AADACL4: variants seen among roughly 807,000 people sequenced by gnomAD.
AADACL4 encodes arylacetamide deacetylase-like 4.
A neutral mutation model predicts 14.1 loss-of-function variants in AADACL4; 9 were observed. That is an observed-to-expected ratio of 0.64 (90% CI 0.39 to 1.12). The LOEUF (loss-of-function observed/expected upper bound fraction) is 1.12, where lower values mean the gene tolerates loss of function less well. Among genes scored for constraint, AADACL4 ranks in the 50% most tolerant of loss-of-function variants. The pLI, the probability that AADACL4 is intolerant of heterozygous loss-of-function variation, is 0.01. For synonymous variants in AADACL4, 188 were observed against 201.6 expected, an observed-to-expected ratio of 0.93 and a Z score of 0.57; for missense variants, 531 against 516.1, an observed-to-expected ratio of 1.03 and a Z score of -0.28.
At chr1:12,656,824 G>T (rs1257391220) in intron 2 of AADACL4, among the ~76,000 whole-genome samples, 1 of 152,072 alleles carries the variant, frequency 6.6e-6, no homozygotes, top group African/African-American at 2.4e-5. Flanking sequence ...CTCGTGTCAG[G>T]GAGGACCATG....
rs34475360 is a variant in AADACL4 at position 12,648,346 on chromosome 1, A to ATCCTTCCTTCCTTCCTTCCT, written c.169-2751_169-2732dup. On this transcript the variant is annotated intron_variant, in intron 1 of 3. Transcript: ENST00000376221. ...AGCTATTTAAAATTCTGGACCTCAG[A>ATCCTTCCTTCCTTCCTTCCT]TCCTTCCTTCCTTCCTTCCTTCCTT... is the stretch of plus-strand genomic sequence containing the variant. Among the ~76,000 whole-genome samples the ATCCTTCCTTCCTTCCTTCCT allele has an allele frequency of 4.1e-4, 58 of 140,606 alleles. 2 individuals are homozygous for ATCCTTCCTTCCTTCCTTCCT. Among genetic ancestry groups the ATCCTTCCTTCCTTCCTTCCT allele is most frequent in the African/African-American group, 1.2e-3 (41 of 35,480 alleles). 92.2% of individuals were successfully genotyped at this position (140,606 alleles called of 152,430 possible).
chr1:12,663,545 A>G (rs1212363296), intron 3 of AADACL4, among the ~76,000 whole-genome samples: 5 of 152,146 alleles, frequency 3.3e-5, no homozygotes, highest in Non-Finnish European at 7.4e-5. Flanking sequence ...ATTGCAGTGT[A>G]GGATTTCAAC....
At chr1:12,648,388 C>CTTT (rs1647125165) in intron 1 of AADACL4, among the ~76,000 whole-genome samples, 18 of 146,862 alleles carry the variant, frequency 1.2e-4, no homozygotes, top group African/African-American at 3.1e-4. Flanking sequence ...TTCCTTCCTT[C>CTTT]CTTTCTTTCC....
intron 3 of AADACL4, among the ~76,000 whole-genome samples, chr1:12,665,283 C>A (rs1270302267): frequency 1.3e-5 from 2 of 152,116 alleles, no homozygotes; most frequent in Non-Finnish European, 2.9e-5. Context: ...AGTGCAGTGG[C>A]TCGATCTAGG....
chr1:12,647,394 C>T (rs75370692), intron 1 of AADACL4, among the ~76,000 whole-genome samples: 37 of 152,130 alleles, frequency 2.4e-4, no homozygotes, highest in Admixed American at 1.0e-3. Flanking sequence ...CCACTGTGCA[C>T]GGCCCTGGGG....
At chr1:12,647,373 A>C (rs1647118228) in intron 1 of AADACL4, among the ~76,000 whole-genome samples, 1 of 152,136 alleles carries the variant, frequency 6.6e-6, no homozygotes, top group Non-Finnish European at 1.5e-5. Context: ...TGCTAGGATT[A>C]CAGGCATGAA....
In AADACL4 at chr1:12,666,301, C is replaced by T. The variant is rs560787141; in HGVS notation, c.790C>T (p.Arg264Cys). The T allele has an allele frequency of 2.0e-5, 33 of 1,614,208 alleles. No individual in the cohort carries two copies. The highest frequency in any genetic ancestry group is 1.6e-4 in the East Asian group (7 of 44,888). Residue 264 changes from arginine to cysteine, a missense_variant, in exon 4 of 4, where the codon CGT becomes TGT. By Grantham distance (180) the Arg-to-Cys change is radical (BLOSUM62 -3). Coordinates refer to ENST00000376221, the MANE Select transcript of AADACL4 (RefSeq NM_001013630.2). Reference sequence around the variant, plus strand: ...CTATCTGGCCATTGACCTCTCCTGGCGTGACGCCATCTTGAACGGCACTTG... The same window carrying T: ...CTATCTGGCCATTGACCTCTCCTGGTGTGACGCCATCTTGAACGGCACTTG... ...CNYLAIDLSW[R>C]DAILNGTCVP...
chr1:12,649,740 C>T (rs1647134221), intron 1 of AADACL4, among the ~76,000 whole-genome samples: 1 of 152,166 alleles, frequency 6.6e-6, no homozygotes, highest in Admixed American at 6.5e-5. Context: ...ATCCTCACAC[C>T]TCATCCTTGG....
In AADACL4 at chr1:12,666,806, T is replaced by G; in HGVS notation, c.*71T>G. ...ACCAGAAACCGGGTGCTTTAGTGAG[T>G]TCTATTTTATTGACTAAAGAGGTGC... On this transcript the variant is annotated 3_prime_UTR_variant, in exon 4 of 4. Transcript: ENST00000376221. The G allele has an allele frequency of 7.0e-7, 1 of 1,431,594 alleles. No individual in the cohort carries two copies. Among genetic ancestry groups the G allele is most frequent in the Non-Finnish European group, 9.4e-7 (1 of 1,067,788 alleles). 88.7% of individuals were successfully genotyped at this position (1,431,594 alleles called of 1,614,324 possible).
At chr1:12,663,693 C>A (rs910753893) in intron 3 of AADACL4, among the ~76,000 whole-genome samples, 24 of 152,120 alleles carry the variant, frequency 1.6e-4, no homozygotes, top group Admixed American at 1.6e-3. Flanking sequence ...TATTTGTTAT[C>A]CCCTTCATCA....
intron 2 of AADACL4, among the ~76,000 whole-genome samples, chr1:12,655,979 C>A (rs1158882802): frequency 6.6e-6 from 1 of 152,142 alleles, no homozygotes; most frequent in Non-Finnish European, 1.5e-5. Context: ...GGGTTTCATT[C>A]TCTGGCCATT....
In AADACL4 at chr1:12,661,362, C is replaced by T. The variant is rs145040760; in HGVS notation, c.386-429C>T. The stretch of plus-strand genomic sequence containing the variant: ...TGTTCTACGTACTCATATTGACGGA[C>T]CTGCCTCTGAGAACTTCATATGCAC... On this transcript the variant is annotated intron_variant, in intron 2 of 3. Transcript: ENST00000376221. Among the ~76,000 whole-genome samples the T allele has an allele frequency of 2.4e-4, 36 of 152,274 alleles. No individual in the cohort carries two copies. The East Asian group carries it at 4.4e-3, about 19-fold the overall frequency.
intron 2 of AADACL4, among the ~76,000 whole-genome samples, chr1:12,654,308 C>T (rs1171423774): frequency 6.6e-6 from 1 of 152,240 alleles, no homozygotes; most frequent in African/African-American, 2.4e-5. Context: ...CATGTTTTAA[C>T]AACTTCTCAA....
In AADACL4 at chr1:12,666,643, G is replaced by A. The variant is rs771450117; in HGVS notation, c.1132G>A (p.Gly378Arg). 5.6e-5 allele frequency: 91 copies of A among 1,614,004 alleles called. No individual in the cohort carries two copies. The highest frequency in any genetic ancestry group is 3.8e-4 in the Admixed American group (23 of 60,000). Residue 378 changes from glycine (G) to arginine (R), a missense_variant, in exon 4 of 4, where the codon GGA becomes AGA. Physicochemically the swap from Gly to Arg is moderately radical, Grantham distance 125. Coordinates refer to ENST00000376221, the MANE Select transcript of AADACL4 (RefSeq NM_001013630.2). The part of the protein sequence containing the change: ...TWYHLYDGFH[G>R]SIIFFDKKAL... ...GTACCACCTGTATGATGGTTTTCAC[G>A]GATCCATTATCTTTTTTGATAAGAA... is the stretch of plus-strand genomic sequence containing the variant.
chr1:12,663,419 A>G (rs1647261307), intron 3 of AADACL4, among the ~76,000 whole-genome samples: 1 of 152,166 alleles, frequency 6.6e-6, no homozygotes, highest in African/African-American at 2.4e-5. Flanking sequence ...AATGGCAGAA[A>G]GAGAAGCCAG....
At position 12,666,759 on chromosome 1, in the gene AADACL4, G is replaced by A. The variant is rs761692472; in HGVS notation, c.*24G>A. The A allele has an allele frequency of 1.3e-6, 2 of 1,570,310 alleles. No individual in the cohort carries two copies. Among genetic ancestry groups the A allele is most frequent in the Admixed American group, 3.6e-5 (2 of 55,650 alleles). On this transcript the variant is annotated 3_prime_UTR_variant, in exon 4 of 4. Transcript: ENST00000376221. ...GATAGTAACCCTGGGGCCCCGAGGA[G>A]GAAGGGGCAAGTATGGACTCTACCA...
At chr1:12,652,365 C>G (rs1281322627) in intron 2 of AADACL4, among the ~76,000 whole-genome samples, 1 of 152,202 alleles carries the variant, frequency 6.6e-6, no homozygotes, top group Non-Finnish European at 1.5e-5. Flanking sequence ...CCCTTCCCAC[C>G]CCTGTCATTG....
intron 1 of AADACL4, among the ~76,000 whole-genome samples, chr1:12,649,705 C>T (rs1408888972): frequency 6.6e-6 from 1 of 152,176 alleles, no homozygotes; most frequent in African/African-American, 2.4e-5. Context: ...ACTGGGGAGA[C>T]ACTCTATGTA....
intron 2 of AADACL4, among the ~76,000 whole-genome samples, chr1:12,660,887 C>T (rs898552188): frequency 5.9e-5 from 9 of 152,064 alleles, no homozygotes; most frequent in Non-Finnish European, 1.3e-4. Flanking sequence ...CGTGATCCAC[C>T]CACCTCGGCC....
Sources: gnomAD v4.1 joint callset for allele counts (sites outside exome capture counted in the v4.1 genomes callset) on GRCh38, gnomAD v4.1.1 for gene constraint, MANE v1.5 for transcripts, NCBI Gene and HGNC (gene_info 2026-07-23, HGNC 2026-07-21) for gene names.